The following SCYL2 variants were observed in gnomAD, a reference collection of about 807,000 sequenced individuals.
SCYL2 encodes the protein SCY1-like protein 2.
SCYL2 carries 36 observed loss-of-function variants against 100.4 expected under a neutral mutation model. The observed-to-expected ratio is 0.36, with a 90% CI of 0.27 to 0.47. SCYL2 has a LOEUF of 0.47. Among genes scored for constraint, SCYL2 ranks in the 20% least tolerant of loss-of-function variants. The probability of loss-of-function intolerance (pLI) is 1.00; values close to 1 mark genes in which losing one functional copy is unlikely to be tolerated. For missense variants in SCYL2, 902 were observed against 1,083.9 expected (o/e 0.83, Z 2.36); for synonymous variants, 330 against 359.2 (o/e 0.92, Z 0.92).
At position 100,304,091 on chromosome 12, in the gene SCYL2, G is replaced by A. The variant is rs550540303; in HGVS notation, c.480+5916G>A. 1.9e-4 allele frequency among the ~76,000 whole-genome samples: 29 copies of A among 152,246 alleles called. No homozygotes were observed. The South Asian group carries it at 3.9e-3, about 21-fold the overall frequency. ...ACCACCTACTGAAGCTTCAGTAATG[G>A]CAGACGCCTCTCCCCTCACTGAGCT... On this transcript the variant is annotated intron_variant, in intron 4 of 17. Transcript: ENST00000360820.
At chr12:100,278,723 G>A (rs532938321) in intron 1 of SCYL2, among the ~76,000 whole-genome samples, 7 of 150,074 alleles carry the variant, frequency 4.7e-5, no homozygotes, top group Non-Finnish European at 8.9e-5. Flanking sequence ...TTCACCTCCC[G>A]GGTTCAAGCA....
At position 100,326,626 on chromosome 12, in the gene SCYL2, G is replaced by C. The variant is rs199548769; in HGVS notation, c.1514G>C (p.Arg505Pro). Residue 505 changes from arginine (R) to proline (P), a missense_variant, in exon 12 of 18, where the codon CGT (arginine) becomes CCT (proline). Transcript: ENST00000360820. ...GCAATTTACCTCTTTTAATAGGTTCGTGTAAATTCATTAGTGTGCTTAGGA... is the reference window on the plus strand; with the variant it reads ...GCAATTTACCTCTTTTAATAGGTTCCTGTAAATTCATTAGTGTGCTTAGGA... ...ACLQTSSLAV[R>P]VNSLVCLGKI... The C allele has an allele frequency of 1.9e-6, 3 of 1,589,030 alleles. No homozygotes were observed. The African/African-American group carries it at 4.1e-5, about 21-fold the overall frequency.
intron 1 of SCYL2, among the ~76,000 whole-genome samples, chr12:100,271,926 C>T (rs981561033): frequency 6.6e-6 from 1 of 152,162 alleles, no homozygotes; most frequent in Admixed American, 6.5e-5. Context: ...ATCTAGAATT[C>T]ATGAGCAGGC....
rs1467569272 is a variant in SCYL2, at chr12:100,339,349, T to A, written c.*177T>A. 9 of 624,616 alleles carry A rather than the reference T, an allele frequency of 1.4e-5. No individual in the cohort carries two copies. Among genetic ancestry groups the A allele is most frequent in the Non-Finnish European group, 2.1e-5 (8 of 384,998 alleles). 38.7% of individuals were successfully genotyped at this position (624,616 alleles called of 1,614,324 possible). ...TTGTATGGACTTCTAACCAGTTGAG[T>A]TTTTTAAAGCATTGAGGATTTTTTC... On this transcript the variant is annotated 3_prime_UTR_variant, in exon 18 of 18. Transcript: ENST00000360820.
chr12:100,303,588 G>A lies in SCYL2; in HGVS notation c.480+5413G>A, dbSNP rs187541043. Among the ~76,000 whole-genome samples, 20 of 152,300 alleles carry A rather than the reference G, an allele frequency of 1.3e-4. No individual in the cohort carries two copies. In the South Asian group the frequency reaches 1.5e-3, roughly 11 times the overall value. On this transcript the variant is annotated intron_variant, in intron 4 of 17. Transcript: ENST00000360820. Reference sequence around the variant, plus strand: ...GTTTGCCTGGGTATCACCAGCGGACGCTGCAGAACAGCAAAGATTGCTGCC... The same window carrying A: ...GTTTGCCTGGGTATCACCAGCGGACACTGCAGAACAGCAAAGATTGCTGCC...
At chr12:100,316,770 T>C (rs1205080349) in intron 9 of SCYL2, among the ~76,000 whole-genome samples, 2 of 152,212 alleles carry the variant, frequency 1.3e-5, no homozygotes, top group African/African-American at 2.4e-5. Flanking sequence ...TGAATTCTTA[T>C]TTGCCTCCAT....
rs1393296378 is a variant in SCYL2, at chr12:100,338,598, A to G, written c.2216A>G (p.Lys739Arg). Residue 739 changes from lysine to arginine, a missense_variant, in exon 18 of 18, where the codon AAA becomes AGA. Lys to Arg is a conservative substitution (Grantham distance 26). Coordinates refer to ENST00000360820, the MANE Select transcript of SCYL2 (RefSeq NM_017988.6). ...ACCAGCCTTTCTGTTAGTACCCCTA[A>G]ATCTTCTGCTTCAAGTACTTTCACT... The part of the protein sequence containing the change: ...SLTSLSVSTP[K>R]SSASSTFTSV... The G allele has an allele frequency of 3.7e-6, 6 of 1,613,712 alleles. No homozygotes were observed. The highest frequency in any genetic ancestry group is 4.5e-5 in the East Asian group (2 of 44,894).
intron 1 of SCYL2, among the ~76,000 whole-genome samples, chr12:100,273,440 G>T (rs375481363): frequency 6.6e-6 from 1 of 152,042 alleles, no homozygotes. Flanking sequence ...TCCCTTTGAT[G>T]TAAGATTTTT....
At chr12:100,301,272 T>C (rs1000810377) in intron 4 of SCYL2, among the ~76,000 whole-genome samples, 1 of 152,242 alleles carries the variant, frequency 6.6e-6, no homozygotes, top group Non-Finnish European at 1.5e-5. Context: ...CCTTTTCTTA[T>C]GCCTGTTTGC....
At chr12:100,281,411 G>T (rs1310112854) in intron 1 of SCYL2, among the ~76,000 whole-genome samples, 1 of 152,060 alleles carries the variant, frequency 6.6e-6, no homozygotes, top group Non-Finnish European at 1.5e-5. Flanking sequence ...TTTGGGCTAG[G>T]TGTGGTGGCT....
intron 2 of SCYL2, among the ~76,000 whole-genome samples, chr12:100,290,130 C>T (rs2096308862): frequency 6.6e-6 from 1 of 152,038 alleles, no homozygotes; most frequent in African/African-American, 2.4e-5. Flanking sequence ...CTTCAGTGGT[C>T]CTTTGAGGTA....
chr12:100,333,349 T>G (rs1952235018), intron 13 of SCYL2, among the ~76,000 whole-genome samples: 3 of 152,198 alleles, frequency 2.0e-5, no homozygotes, highest in Admixed American at 2.0e-4. Context: ...ATCTCTGAGT[T>G]CCTTTACCTC....
At chr12:100,283,873 T>C (rs1201659242) in intron 2 of SCYL2, among the ~76,000 whole-genome samples, 8 of 152,356 alleles carry the variant, frequency 5.3e-5, no homozygotes, top group Admixed American at 3.3e-4. Flanking sequence ...TGTTAAGTCT[T>C]GTTTTTATTG....
rs2096279008 is a variant in SCYL2, at chr12:100,267,357, GA to G, written c.-461del. On this transcript the variant is annotated 5_prime_UTR_variant, in exon 1 of 18. Coordinates refer to ENST00000360820, the MANE Select transcript of SCYL2 (RefSeq NM_017988.6). ...GAGGCGTTTATTAGGGGGGCGGGGG[GA>G]AAGAGCCCCAGCACCGCCCCTCCTG... The G allele has an allele frequency of 1.2e-5, 4 of 332,420 alleles. No individual in the cohort carries two copies. Among genetic ancestry groups the G allele is most frequent in the South Asian group, 5.9e-5 (1 of 16,882 alleles). The allele number at this position is 332,420 out of a possible 1,614,324, so 20.6% of individuals were successfully genotyped here. A position where few individuals can be genotyped will look rare whatever the true frequency, so the allele number is the denominator to read the frequency against.
At chr12:100,288,688 T>A (rs1018261277) in intron 2 of SCYL2, among the ~76,000 whole-genome samples, 2 of 151,742 alleles carry the variant, frequency 1.3e-5, no homozygotes, top group Non-Finnish European at 2.9e-5. Flanking sequence ...AATTAAAAAA[T>A]TTGCTGGGCA....
At chr12:100,294,414 G>A (rs1462472031) in intron 3 of SCYL2, among the ~76,000 whole-genome samples, 32 of 107,322 alleles carry the variant, frequency 3.0e-4, no homozygotes, top group Admixed American at 6.2e-4. Context: ...CGGACGGGGC[G>A]GCTGGCCGGG....
intron 4 of SCYL2, among the ~76,000 whole-genome samples, chr12:100,301,458 A>G (rs1429993897): frequency 6.6e-6 from 1 of 150,900 alleles, no homozygotes; most frequent in Admixed American, 6.6e-5. Context: ...TTGTCTTTTC[A>G]CTTTGTTGTT....
intron 2 of SCYL2, among the ~76,000 whole-genome samples, chr12:100,290,598 T>C (rs1336274441): frequency 6.6e-6 from 1 of 152,126 alleles, no homozygotes; most frequent in East Asian, 1.9e-4. Flanking sequence ...GAGAATAAAA[T>C]AGAAAACTAA....
At chr12:100,274,877 C>T (rs182584433) in intron 1 of SCYL2, among the ~76,000 whole-genome samples, 2 of 152,286 alleles carry the variant, frequency 1.3e-5, no homozygotes, top group Admixed American at 1.3e-4. Flanking sequence ...TTAGTAAAGC[C>T]TGTGGATCCC....
Sources: allele counts gnomAD v4.1 joint callset (sites outside exome capture counted in the v4.1 genomes callset), GRCh38; gene constraint gnomAD v4.1.1; transcripts MANE v1.5; gene names NCBI Gene and HGNC (gene_info 2026-07-23, HGNC 2026-07-21).